SMARCA2: variants seen among roughly 807,000 people sequenced by gnomAD.
SMARCA2 encodes SWI/SNF-related matrix-associated actin-dependent regulator of chromatin subfamily A member 2.
In SMARCA2, 61 loss-of-function variants were observed where a neutral mutation model predicts 199.8. That is an observed-to-expected ratio of 0.31 (90% CI 0.25 to 0.38). The LOEUF is 0.38. Among genes scored for constraint, SMARCA2 ranks in the 10% least tolerant of loss-of-function variants. The probability of loss-of-function intolerance (pLI) is 1.00; values close to 1 mark genes in which losing one functional copy is unlikely to be tolerated. For missense variants in SMARCA2, 1,344 were observed against 2,012.2 expected, an observed-to-expected ratio of 0.67 and a Z score of 6.35; for synonymous variants, 935 against 732.0, an observed-to-expected ratio of 1.28 and a Z score of -4.48.
At chr9:2,072,339 G>A (rs942119061) in intron 10 of SMARCA2, among the ~76,000 whole-genome samples, 2 of 152,076 alleles carry the variant, frequency 1.3e-5, no homozygotes, top group Admixed American at 6.5e-5. Flanking sequence ...CTGCAATCAG[G>A]AGCAGTCATT....
intron 27 of SMARCA2, among the ~76,000 whole-genome samples, chr9:2,156,572 A>G (rs1586765358): frequency 6.6e-6 from 1 of 151,866 alleles, no homozygotes; most frequent in East Asian, 1.9e-4. Flanking sequence ...GTGGGATTAC[A>G]GGGCATGCGC....
Position 2,086,999 on chromosome 9 carries a change from C to G in SMARCA2, c.2697C>G (p.Leu899=). ...PELWALLNFL[L]PTIFKSCSTF... is the part of the protein sequence containing the mutation. ...TCTGGGCCCTCCTCAACTTCCTCCT[C>G]CCAACAATTTTTAAGAGCTGCAGCA... Residue 899 remains leucine (L), a synonymous_variant, in exon 18 of 34, where the codon CTC becomes CTG. Coordinates refer to ENST00000349721, the MANE Select transcript of SMARCA2 (RefSeq NM_003070.5). The surrounding 1 kb of genome is among the most constrained non-coding windows in gnomAD (Gnocchi z 4.3). The G allele has an allele frequency of 6.2e-7, 1 of 1,614,160 alleles. No individual in the cohort carries two copies. The highest frequency in any genetic ancestry group is 2.2e-5 in the East Asian group (1 of 44,882).
chr9:2,034,450 A>C (rs938387881), intron 3 of SMARCA2, among the ~76,000 whole-genome samples: 1 of 152,144 alleles, frequency 6.6e-6, no homozygotes, highest in African/African-American at 2.4e-5. Context: ...ACGTACCTCA[A>C]AGCCTTTTAA....
At chr9:2,078,159 C>G (rs755156359) in intron 14 of SMARCA2, among the ~76,000 whole-genome samples, 17 of 152,174 alleles carry the variant, frequency 1.1e-4, no homozygotes, top group Non-Finnish European at 1.8e-4. Flanking sequence ...TAGCTGTCTA[C>G]TACATTTATG....
At position 2,060,768 on chromosome 9, in the gene SMARCA2, T is replaced by C. The variant is rs3739580; in HGVS notation, c.1522-48T>C. On this transcript the variant is annotated intron_variant, in intron 8 of 33. Coordinates refer to ENST00000349721, the MANE Select transcript of SMARCA2 (RefSeq NM_003070.5). ...GAGGACAGAGTGGAGAGTGGAGTTG[T>C]CTGCACGCTTATATTATGCTCTCAT... is the stretch of plus-strand genomic sequence containing the variant. The C allele has an allele frequency of 0.13, 212,210 of 1,574,600 alleles. 16,351 individuals are homozygous for C. Among genetic ancestry groups the C allele is most frequent in the African/African-American group, 0.3 (22,336 of 74,160 alleles).
chr9:2,188,260 C>G (rs1423953622), intron 32 of SMARCA2, among the ~76,000 whole-genome samples: 1 of 152,032 alleles, frequency 6.6e-6, no homozygotes, highest in Non-Finnish European at 1.5e-5. Context: ...CTCTGTTAAT[C>G]AGGCTGTTTC....
chr9:2,047,964 C>T (rs1439647525), intron 5 of SMARCA2: 3 of 152,042 alleles, frequency 2.0e-5, no homozygotes, highest in Admixed American at 2.0e-4. Flanking sequence ...ATCATTAGTC[C>T]AGAAGCTTAA....
intron 28 of SMARCA2, among the ~76,000 whole-genome samples, chr9:2,166,593 T>C (rs1825940328): frequency 1.3e-5 from 2 of 152,220 alleles, no homozygotes; most frequent in Non-Finnish European, 2.9e-5. Flanking sequence ...ATGCTGTACC[T>C]CTAAATTTTT....
intron 25 of SMARCA2, among the ~76,000 whole-genome samples, chr9:2,118,604 A>T (rs1407856002): frequency 6.6e-6 from 1 of 152,222 alleles, no homozygotes; most frequent in African/African-American, 2.4e-5. Context: ...AGCATATGAT[A>T]AAAATAATTT....
At chr9:2,181,777 C>A in intron 30 of SMARCA2, 101 bp downstream of exon 30, 1 of 697,546 alleles carries the variant, frequency 1.4e-6, no homozygotes, top group South Asian at 1.6e-5. Context: ...CTGATGGGTA[C>A]CCAGGGCTCG....
chr9:2,182,995 TAGCC>T, intron 31 of SMARCA2, among the ~76,000 whole-genome samples: 1 of 152,182 alleles, frequency 6.6e-6, no homozygotes, highest in African/African-American at 2.4e-5. Flanking sequence ...TTCACCATGT[TAGCC>T]AGGCTGGTCT....
chr9:2,189,570 A>C lies in SMARCA2; in HGVS notation c.4595-1696A>C, dbSNP rs185668095. ...CCATTATGACTGGCTTCTTTCATCT[A>C]TTTCTTTCGACGTCCTACATCTTTC... On this transcript the variant is annotated intron_variant, in intron 32 of 33. Transcript: ENST00000349721. Among the ~76,000 whole-genome samples, 72 of 151,980 alleles carry C rather than the reference A, an allele frequency of 4.7e-4. 1 individual carries two copies. The South Asian group carries it at 0.015, about 31-fold the overall frequency.
At chr9:2,149,100 G>C (rs1269436376) in intron 27 of SMARCA2, among the ~76,000 whole-genome samples, 1 of 151,564 alleles carries the variant, frequency 6.6e-6, no homozygotes, top group Non-Finnish European at 1.5e-5. Flanking sequence ...CCTGAGACTG[G>C]GAAGAAAAGG....
chr9:2,074,281 GTTTAA>G (rs1236152273), intron 12 of SMARCA2, among the ~76,000 whole-genome samples: 3 of 152,164 alleles, frequency 2.0e-5, no homozygotes, highest in South Asian at 2.1e-4. Flanking sequence ...GCCACAAAAT[GTTTAA>G]TTTAATAATT....
rs113070757 is a variant in SMARCA2, at chr9:2,039,776, A to ACAGCAGCAGCAGCAGCAGCAGCAG, written c.684_707dup (p.Gln231_Gln238dup). On this transcript the variant is annotated inframe_insertion, in exon 4 of 34. Coordinates refer to ENST00000349721, the MANE Select transcript of SMARCA2 (RefSeq NM_003070.5). The surrounding 1 kb of genome is among the most constrained non-coding windows in gnomAD (Gnocchi z 4.8). ...GCTTGCAGCAACAACAGCAGCAGCA[A>ACAGCAGCAGCAGCAGCAGCAGCAG]CAGCAGCAGCAGCAGCAGCAGCAGC... The ACAGCAGCAGCAGCAGCAGCAGCAG allele has an allele frequency of 1.3e-5, 20 of 1,596,244 alleles. No homozygotes were observed. The highest frequency in any genetic ancestry group is 6.9e-5 in the Admixed American group (4 of 57,826).
rs377715471 is a variant in SMARCA2, at chr9:2,150,564, C to T, written c.3982-11122C>T. Among the ~76,000 whole-genome samples the T allele has an allele frequency of 2.4e-4, 36 of 151,754 alleles. 1 individual carries two copies. The highest frequency in any genetic ancestry group is 7.5e-4 in the African/African-American group (31 of 41,506). The stretch of plus-strand genomic sequence containing the variant: ...AGATAAAGCCTGCCATCGTTTACTC[C>T]GAGGGGTGTGTTATATGTGCCTACG... On this transcript the variant is annotated intron_variant, in intron 27 of 33. Coordinates refer to ENST00000349721, the MANE Select transcript of SMARCA2 (RefSeq NM_003070.5).
chr9:2,015,460 T>G (rs1454417682), intron 1 of SMARCA2, 56 bp downstream of exon 1: 1 of 153,220 alleles, frequency 6.5e-6, no homozygotes, highest in Admixed American at 6.5e-5. Context: ...GCCGCCCCGC[T>G]GCAGCCGCCG....
At chr9:2,179,839 C>T (rs1488261167) in intron 29 of SMARCA2, among the ~76,000 whole-genome samples, 2 of 152,158 alleles carry the variant, frequency 1.3e-5, no homozygotes, top group Non-Finnish European at 2.9e-5. Flanking sequence ...AGAGGTCTGA[C>T]TTTTGGGGTG....
chr9:2,168,209 C>T (rs922779022), intron 28 of SMARCA2, among the ~76,000 whole-genome samples: 3 of 151,866 alleles, frequency 2.0e-5, no homozygotes, highest in African/African-American at 7.3e-5. Context: ...CAGGGTTTTG[C>T]CATGTTGGTC....
Sources: allele counts gnomAD v4.1 joint callset (sites outside exome capture counted in the v4.1 genomes callset), GRCh38; gene constraint gnomAD v4.1.1; non-coding constraint Gnocchi (gnomAD v3.1); transcripts MANE v1.5; gene names NCBI Gene and HGNC (gene_info 2026-07-23, HGNC 2026-07-21).